Variants in ADGRL3 observed in about 807,000 individuals in gnomAD.
ADGRL3 encodes adhesion G protein-coupled receptor L3, also known as calcium-independent alpha-latrotoxin receptor 3.
Under a neutral mutation model 153.5 loss-of-function variants are expected in ADGRL3, and 62 were observed. That is an observed-to-expected ratio of 0.40 (90% CI 0.33 to 0.50). ADGRL3 has a LOEUF of 0.50. ADGRL3 is among the 20% of genes least tolerant of loss of function. ADGRL3 has a pLI of 0.47. For synonymous variants in ADGRL3, 710 were observed against 672.5 expected (o/e 1.06, Z -0.86); for missense variants, 1,641 against 1,859.4 (o/e 0.88, Z 2.16).
chr4:61,214,821 C>G (rs1328125930), intron 1 of ADGRL3, among the ~76,000 whole-genome samples: 1 of 152,084 alleles, frequency 6.6e-6, no homozygotes, highest in Admixed American at 6.6e-5. Context: ...GCCCATAGTT[C>G]CAGCTCCTCA....
intron 4 of ADGRL3, among the ~76,000 whole-genome samples, chr4:61,550,182 A>G (rs1560824370): frequency 1.3e-5 from 2 of 149,210 alleles, no homozygotes; most frequent in Non-Finnish European, 2.9e-5. Flanking sequence ...TAATTCAGAT[A>G]GTATATTCAT....
At chr4:61,400,970 C>A (rs2096923510) in intron 2 of ADGRL3, among the ~76,000 whole-genome samples, 1 of 151,456 alleles carries the variant, frequency 6.6e-6, no homozygotes, top group South Asian at 2.1e-4. Context: ...TTTTATAGCA[C>A]CTTTTCCATT....
At chr4:61,556,765 A>G (rs916222574) in intron 4 of ADGRL3, among the ~76,000 whole-genome samples, 8 of 152,230 alleles carry the variant, frequency 5.3e-5, no homozygotes, top group Non-Finnish European at 1.0e-4. Context: ...CCCGGTGACA[A>G]GGATTTGAAG....
intron 8 of ADGRL3, among the ~76,000 whole-genome samples, chr4:61,737,324 G>C (rs2096530419): frequency 6.6e-6 from 1 of 152,084 alleles, no homozygotes; most frequent in South Asian, 2.1e-4. Context: ...TTATATAAAG[G>C]GGTATCTATG....
intron 1 of ADGRL3, among the ~76,000 whole-genome samples, chr4:61,371,885 G>T (rs944506389): frequency 6.6e-6 from 1 of 151,956 alleles, no homozygotes; most frequent in East Asian, 1.9e-4. Flanking sequence ...ATGTAGATTT[G>T]GTCTTTTCAC....
intron 9 of ADGRL3, among the ~76,000 whole-genome samples, chr4:61,819,259 A>C (rs2097723470): frequency 6.6e-6 from 1 of 152,146 alleles, no homozygotes; most frequent in South Asian, 2.1e-4. Flanking sequence ...AATGTAAAAA[A>C]TATGACAAAT....
chr4:61,609,395 T>G (rs940389888), intron 5 of ADGRL3, among the ~76,000 whole-genome samples: 7 of 152,158 alleles, frequency 4.6e-5, no homozygotes, highest in Non-Finnish European at 1.0e-4. Flanking sequence ...AAGACTATTT[T>G]AAAACCTTTA....
intron 9 of ADGRL3, among the ~76,000 whole-genome samples, chr4:61,876,908 TA>T (rs33929278): frequency 0.35 from 46,726 of 135,416 alleles, 8,421 homozygotes; most frequent in Non-Finnish European, 0.42. Flanking sequence ...GCTTTCACTT[TA>T]AAAAAAAAAA....
intron 8 of ADGRL3, among the ~76,000 whole-genome samples, chr4:61,735,435 C>CT (rs1264528985): frequency 1.3e-5 from 2 of 152,184 alleles, no homozygotes; most frequent in Non-Finnish European, 2.9e-5. Flanking sequence ...TAGACCAACT[C>CT]TATTGTCTGA....
intron 4 of ADGRL3, among the ~76,000 whole-genome samples, chr4:61,533,092 A>G (rs979308928): frequency 2.6e-4 from 39 of 152,350 alleles, no homozygotes; most frequent in African/African-American, 8.4e-4. Flanking sequence ...AAACAAAAGA[A>G]TAAGCAAATT....
chr4:61,401,679 CAG>C (rs1489823807), intron 2 of ADGRL3, among the ~76,000 whole-genome samples: 1 of 151,958 alleles, frequency 6.6e-6, no homozygotes, highest in Non-Finnish European at 1.5e-5. Context: ...CATAAGGACA[CAG>C]ATTTTTCTAC....
intron 18 of ADGRL3, among the ~76,000 whole-genome samples, chr4:61,981,735 T>G (rs1428212439): frequency 6.6e-6 from 1 of 152,178 alleles, no homozygotes; most frequent in Non-Finnish European, 1.5e-5. Flanking sequence ...GCAGAAAAGT[T>G]TCATTTTGTA....
chr4:61,475,999 T>G (rs2152707252), intron 2 of ADGRL3, among the ~76,000 whole-genome samples: 1 of 152,290 alleles, frequency 6.6e-6, no homozygotes, highest in African/African-American at 2.4e-5. Flanking sequence ...ACAGTCTATC[T>G]TGGCTCATGG....
At chr4:61,547,653 A>G (rs1579458322) in intron 4 of ADGRL3, among the ~76,000 whole-genome samples, 1 of 152,182 alleles carries the variant, frequency 6.6e-6, no homozygotes, top group Admixed American at 6.5e-5. Flanking sequence ...CCAGTATACC[A>G]TTGATGGGTA....
At chr4:61,957,142 A>G (rs1209234959) in intron 17 of ADGRL3, among the ~76,000 whole-genome samples, 2 of 152,254 alleles carry the variant, frequency 1.3e-5, no homozygotes, top group Non-Finnish European at 1.5e-5. Context: ...GGTCATTTTC[A>G]CAATATTGAT....
intron 7 of ADGRL3, among the ~76,000 whole-genome samples, chr4:61,731,592 G>A (rs2096443889): frequency 6.6e-6 from 1 of 152,072 alleles, no homozygotes; most frequent in Admixed American, 6.6e-5. Flanking sequence ...TATGATAAAG[G>A]TGCCATGATC....
intron 25 of ADGRL3, among the ~76,000 whole-genome samples, chr4:62,048,471 C>T (rs1732336651): frequency 6.6e-6 from 1 of 152,142 alleles, no homozygotes; most frequent in South Asian, 2.1e-4. Flanking sequence ...TCATGTTGGC[C>T]AGGCTGGTCT....
intron 4 of ADGRL3, among the ~76,000 whole-genome samples, chr4:61,532,543 C>CGTGTGTGTGT (rs1373452239): frequency 2.9e-5 from 2 of 67,886 alleles, no homozygotes; most frequent in African/African-American, 9.8e-5. Flanking sequence ...CGCGCGCGCG[C>CGTGTGTGTGT]GCGCGCGCGC....
intron 2 of ADGRL3, among the ~76,000 whole-genome samples, chr4:61,473,152 G>A (rs2097987025): frequency 6.6e-6 from 1 of 151,920 alleles, no homozygotes; most frequent in Non-Finnish European, 1.5e-5. Context: ...AACAGTCATT[G>A]GTTGATAAGG....
Sources: allele counts gnomAD v4.1 joint callset (sites outside exome capture counted in the v4.1 genomes callset), GRCh38; gene constraint gnomAD v4.1.1; transcripts MANE v1.5; gene names NCBI Gene and HGNC (gene_info 2026-07-23, HGNC 2026-07-21).